CACNA1A: variants seen among roughly 807,000 people sequenced by gnomAD.
CACNA1A encodes voltage-dependent P/Q-type calcium channel subunit alpha-1A.
CACNA1A carries 57 observed loss-of-function variants against 262.4 expected under a neutral mutation model. The observed-to-expected ratio is 0.22, with a 90% CI of 0.18 to 0.27. The LOEUF is 0.27. Among genes scored for constraint, CACNA1A ranks in the 10% least tolerant of loss-of-function variants. The pLI is 1.00. For missense variants in CACNA1A, 2,526 were observed against 3,562.8 expected, an observed-to-expected ratio of 0.71 and a Z score of 7.41; for synonymous variants, 1,431 against 1,419.3, an observed-to-expected ratio of 1.01 and a Z score of -0.18.
At chr19:13,295,877 C>T (rs193013368) in intron 19 of CACNA1A, among the ~76,000 whole-genome samples, 97 of 152,248 alleles carry the variant, frequency 6.4e-4, no homozygotes, top group Non-Finnish European at 1.3e-3. Context: ...TTGCATTTTC[C>T]TGCAATGCAA....
At position 13,214,053 on chromosome 19, in the gene CACNA1A, G is replaced by A. The variant is rs764612927; in HGVS notation, c.5940+180C>T. ...GGGTGGTCTCATCCTGGTCTCAAACGATCCCTCTGCCCTGGCCTCTCAAAG... is the reference window on the plus strand; with the variant it reads ...GGGTGGTCTCATCCTGGTCTCAAACAATCCCTCTGCCCTGGCCTCTCAAAG... On this transcript the variant is annotated intron_variant, in intron 40 of 46. Coordinates refer to ENST00000360228, the MANE Select transcript of CACNA1A (RefSeq NM_001127222.2). This position sits in a 1 kb window ranked among gnomAD's most constrained non-coding sequence, Gnocchi z 4.1. The A allele has an allele frequency of 1.7e-6, 1 of 592,756 alleles. No homozygotes were observed. Among genetic ancestry groups the A allele is most frequent in the Non-Finnish European group, 3.0e-6 (1 of 330,958 alleles). The allele number at this position is 592,756 out of a possible 1,614,324, so 36.7% of individuals were successfully genotyped here.
At chr19:13,218,992 C>T (rs1322904123) in intron 38 of CACNA1A, among the ~76,000 whole-genome samples, 1 of 151,762 alleles carries the variant, frequency 6.6e-6, no homozygotes, top group Non-Finnish European at 1.5e-5. Context: ...CCTTGCCCTC[C>T]CAAAGTGCCA....
intron 6 of CACNA1A, among the ~76,000 whole-genome samples, chr19:13,351,804 G>A (rs1221786820): frequency 6.6e-6 from 1 of 151,968 alleles, no homozygotes; most frequent in African/African-American, 2.4e-5. Context: ...CACCGCATCT[G>A]GCTAATTAAA....
chr19:13,392,047 AG>A (rs2059719589), intron 3 of CACNA1A, among the ~76,000 whole-genome samples: 1 of 150,342 alleles, frequency 6.7e-6, no homozygotes, highest in African/African-American at 2.4e-5. Context: ...AAAAAAAAAA[AG>A]AAAAAAAAGA....
chr19:13,346,350 C>T (rs1014313348), intron 6 of CACNA1A, among the ~76,000 whole-genome samples: 5 of 152,002 alleles, frequency 3.3e-5, no homozygotes, highest in South Asian at 2.1e-4. Context: ...CCATCTACCT[C>T]GGCTGCTGTT....
intron 3 of CACNA1A, among the ~76,000 whole-genome samples, chr19:13,402,183 T>G (rs1257969858): frequency 6.6e-6 from 1 of 152,198 alleles, no homozygotes; most frequent in East Asian, 1.9e-4. Flanking sequence ...ATACCTTTCC[T>G]ATGAGTTGGC....
At chr19:13,243,339 G>A (rs183298589) in intron 31 of CACNA1A, among the ~76,000 whole-genome samples, 1 of 152,282 alleles carries the variant, frequency 6.6e-6, no homozygotes, top group East Asian at 1.9e-4. Flanking sequence ...TGCGGGTGCC[G>A]TAGGACATAT....
intron 1 of CACNA1A, among the ~76,000 whole-genome samples, chr19:13,488,877 G>A (rs1174075879): frequency 2.6e-5 from 4 of 152,002 alleles, no homozygotes; most frequent in African/African-American, 9.7e-5. Flanking sequence ...AACATGTCCA[G>A]TAGGATGCTC....
At chr19:13,295,675 G>A (rs1200033895) in intron 19 of CACNA1A, among the ~76,000 whole-genome samples, 1 of 151,822 alleles carries the variant, frequency 6.6e-6, no homozygotes, top group Non-Finnish European at 1.5e-5. Context: ...AACTTCTTTT[G>A]TAGAGATCGA....
chr19:13,252,632 C>T (rs936598128), intron 30 of CACNA1A: 6 of 156,158 alleles, frequency 3.8e-5, no homozygotes, highest in East Asian at 1.8e-4. Flanking sequence ...TCAGGTGATC[C>T]GCCCACCTTG....
intron 40 of CACNA1A, chr19:13,213,637 A>G (rs1352974076): frequency 6.6e-6 from 1 of 150,526 alleles, no homozygotes; most frequent in Non-Finnish European, 1.5e-5. Flanking sequence ...CAGCTGAATG[A>G]AGAATGAATC....
rs1162171434 is a variant in CACNA1A, at chr19:13,451,936, C to T, written c.539+940G>A. On this transcript the variant is annotated intron_variant, in intron 3 of 46. Coordinates refer to ENST00000360228, the MANE Select transcript of CACNA1A (RefSeq NM_001127222.2). ...GGATGATCATAGCTCACTGTGCCCT[C>T]CAACTCCTGAGCTCAAGCAATTCTC... 3 of 152,088 alleles carry T rather than the reference C, an allele frequency of 2.0e-5. No homozygotes were observed. The East Asian group carries it at 5.8e-4, about 29-fold the overall frequency. 9.4% of individuals were successfully genotyped at this position (152,088 alleles called of 1,614,324 possible).
chr19:13,454,510 A>C (rs776874238), intron 2 of CACNA1A, among the ~76,000 whole-genome samples: 1 of 151,962 alleles, frequency 6.6e-6, no homozygotes, highest in Non-Finnish European at 1.5e-5. Context: ...AGCTGGGATT[A>C]CAGGTGTGCA....
chr19:13,276,697 C>CTTTTT (rs33970596), intron 23 of CACNA1A, among the ~76,000 whole-genome samples: 4 of 125,424 alleles, frequency 3.2e-5, no homozygotes, highest in Admixed American at 8.5e-5. Context: ...AATCCCAGCT[C>CTTTTT]TTTTTTTTTT....
chr19:13,317,026 C>T (rs1460637168), intron 11 of CACNA1A, 86 bp downstream of exon 11: 4 of 826,744 alleles, frequency 4.8e-6, no homozygotes, highest in Non-Finnish European at 7.8e-6. Flanking sequence ...AAAGAAGATA[C>T]ACATACTACC....
In CACNA1A at chr19:13,307,827, G is replaced by T; in HGVS notation, c.1941C>A (p.Pro647=). The part of the protein sequence containing the change: ...GQFNFDEGTP[P]TNFDTFPAAI... ...CTGCTGGAAAAGTATCGAAGTTGGT[G>T]GGAGGAGTCCCTTCATCGAAATTAA... Residue 647 remains proline, a synonymous_variant, in exon 15 of 47, where the codon CCC becomes CCA. Coordinates refer to ENST00000360228, the MANE Select transcript of CACNA1A (RefSeq NM_001127222.2). 6.2e-7 allele frequency: 1 copy of T among 1,613,988 alleles called. No homozygotes were observed. Among genetic ancestry groups the T allele is most frequent in the East Asian group, 2.2e-5 (1 of 44,882 alleles).
Position 13,257,605 on chromosome 19 carries a change from C to T in CACNA1A, c.4389-54G>A, listed in dbSNP as rs2056605204. 3 of 1,217,364 alleles carry T rather than the reference C, an allele frequency of 2.5e-6. No homozygotes were observed. In the African/African-American group the frequency reaches 4.6e-5, roughly 18 times the overall value. The allele number at this position is 1,217,364 out of a possible 1,614,324, so 75.4% of individuals were successfully genotyped here. The stretch of plus-strand genomic sequence containing the variant: ...GGGGCAGGAAGGAGAGAGACAGGGA[C>T]CCAAGGGGTGATGAGGAAGGTGGAG... On this transcript the variant is annotated intron_variant, in intron 27 of 46. Coordinates refer to ENST00000360228, the MANE Select transcript of CACNA1A (RefSeq NM_001127222.2).
chr19:13,432,103 C>CAAAAAAAAAAAAAAAAAAA (rs71170513), intron 3 of CACNA1A, among the ~76,000 whole-genome samples: 5 of 64,398 alleles, frequency 7.8e-5, no homozygotes, highest in African/African-American at 3.1e-4. Flanking sequence ...GACTCCGTCT[C>CAAAAAAAAAAAAAAAAAAA]AAAAAAAAAA....
Position 13,339,080 on chromosome 19 carries a change from G to C in CACNA1A, c.979-3171C>G, listed in dbSNP as rs140310106. On this transcript the variant is annotated intron_variant, in intron 6 of 46. Transcript: ENST00000360228. The stretch of plus-strand genomic sequence containing the variant: ...GGGGTTTCACCATGTTGGTCAGGCT[G>C]GTCTTGAACTCCTCACCTCCTGATC... Among the ~76,000 whole-genome samples, 735 of 152,142 alleles carry C rather than the reference G, an allele frequency of 4.8e-3. 4 individuals are homozygous for C. The highest frequency in any genetic ancestry group is 0.017 in the African/African-American group (704 of 41,472).
Sources: allele counts gnomAD v4.1 joint callset (sites outside exome capture counted in the v4.1 genomes callset), GRCh38; gene constraint gnomAD v4.1.1; non-coding constraint Gnocchi (gnomAD v3.1); transcripts MANE v1.5; gene names NCBI Gene and HGNC (gene_info 2026-07-23, HGNC 2026-07-21).